The following TNC variants were observed in gnomAD, a reference collection of about 807,000 sequenced individuals.
TNC encodes the protein tenascin.
TNC carries 109 observed loss-of-function variants against 202.4 expected under a neutral mutation model. The ratio of observed to expected loss-of-function variants is 0.54; its 90% CI spans 0.46 to 0.63. The LOEUF (loss-of-function observed/expected upper bound fraction) is 0.63, where lower values mean the gene tolerates loss of function less well. Ranked by LOEUF, TNC falls within the 30% of genes least tolerant of loss-of-function variation. The pLI is 0.00. For synonymous variants in TNC, 1,007 were observed against 1,089.7 expected (o/e 0.92, Z 1.50); for missense variants, 2,756 against 2,833.3 (o/e 0.97, Z 0.62).
chr9:115,115,569 C>T (rs903992594), intron 1 of TNC, among the ~76,000 whole-genome samples: 1 of 152,174 alleles, frequency 6.6e-6, no homozygotes, highest in Admixed American at 6.5e-5. Flanking sequence ...TATATTTTGG[C>T]TATCATTGTC....
At chr9:115,031,762 A>G in intron 22 of TNC, 77 bp from the exon 23 acceptor site, 1 of 1,549,932 alleles carries the variant, frequency 6.5e-7, no homozygotes, top group South Asian at 1.2e-5. Context: ...CATTCTATTT[A>G]TAAGTTCATT....
intron 15 of TNC, 75 bp from the exon 16 acceptor site, chr9:115,048,607 A>G: frequency 7.1e-7 from 1 of 1,405,810 alleles, no homozygotes; most frequent in Non-Finnish European, 9.6e-7. Flanking sequence ...GTTTCCAAGA[A>G]CACCAATAGA....
At chr9:115,035,627 G>A (rs1437587746) in intron 21 of TNC, 4 of 308,222 alleles carry the variant, frequency 1.3e-5, no homozygotes, top group Non-Finnish European at 2.4e-5. Context: ...TTCTAAGTAA[G>A]AGGATGGATG....
chr9:115,061,065 G>A (rs557561301), intron 13 of TNC, among the ~76,000 whole-genome samples: 1 of 152,320 alleles, frequency 6.6e-6, no homozygotes, highest in African/African-American at 2.4e-5. Context: ...TTTGTGGGAT[G>A]CTTCTGAGGG....
At chr9:115,059,700 G>T in intron 14 of TNC, 30 bp downstream of exon 14, 1 of 1,546,234 alleles carries the variant, frequency 6.5e-7, no homozygotes, top group East Asian at 2.3e-5. Context: ...AGAACCTTGG[G>T]GAGAAAGCAT....
At chr9:115,078,278 A>G (rs1214164527) in intron 6 of TNC, 66 bp from the exon 7 acceptor site, 1 of 1,519,298 alleles carries the variant, frequency 6.6e-7, no homozygotes, top group Non-Finnish European at 8.9e-7. Context: ...TAGCAGAGAG[A>G]GGACTTTGTA....
rs772682749 is a variant in TNC, at chr9:115,036,137, G to A, written c.5617C>T (p.Pro1873Ser). ...YTLRIFAEKG[P>S]QKSSTITAKF... ...GCAGTGATGGTTGAGCTCTTCTGGG[G>A]CCCTTTCTCTGCAAAGATTCTCAGT... The change falls in exon 21 of 28, where the codon CCC (proline) becomes TCC (serine). Residue 1873 changes from proline (P) to serine (S), a missense_variant. By Grantham distance (74) the Pro-to-Ser change is moderately conservative (BLOSUM62 -1). Coordinates refer to ENST00000350763, the MANE Select transcript of TNC (RefSeq NM_002160.4). 4 of 1,614,174 alleles carry A rather than the reference G, an allele frequency of 2.5e-6. No individual in the cohort carries two copies. In the South Asian group the frequency reaches 4.4e-5, roughly 18 times the overall value.
chr9:115,085,590 T>G (rs1755642), intron 3 of TNC, among the ~76,000 whole-genome samples: 1 of 152,140 alleles, frequency 6.6e-6, no homozygotes, highest in African/African-American at 2.4e-5. Flanking sequence ...TAGGCAGACT[T>G]GAATACCAGC....
rs149375079 is a variant in TNC, at chr9:115,035,674, G to T, written c.5657-340C>A. ...CAATACTCACCCTGACAGAGAGGAT[G>T]GTTCCTCTGTTTCCCTGCTTGCTAT... On this transcript the variant is annotated intron_variant, in intron 21 of 27. Coordinates refer to ENST00000350763, the MANE Select transcript of TNC (RefSeq NM_002160.4). 45 of 264,142 alleles carry T rather than the reference G, an allele frequency of 1.7e-4. No homozygotes were observed. In the East Asian group the frequency reaches 3.3e-3, roughly 20 times the overall value. 16.4% of individuals were successfully genotyped at this position (264,142 alleles called of 1,614,324 possible).
At chr9:115,076,696 G>T in intron 7 of TNC, 121 bp from the exon 8 acceptor site, 1 of 1,123,654 alleles carries the variant, frequency 8.9e-7, no homozygotes, top group Non-Finnish European at 1.3e-6. Flanking sequence ...AAAATTCTCA[G>T]CACACTCATC....
chr9:115,036,284 T>C lies in TNC; in HGVS notation c.5513-43A>G, dbSNP rs536501378. On this transcript the variant is annotated intron_variant, in intron 20 of 27. Coordinates refer to ENST00000350763, the MANE Select transcript of TNC (RefSeq NM_002160.4). ...ATACCAAGGCAGTCACCTCTCACTG[T>C]CTGAGCCATGAGTGGGCTTGGCAAA... The C allele has an allele frequency of 6.9e-5, 110 of 1,605,758 alleles. 2 individuals are homozygous for C. In the South Asian group the frequency reaches 1.2e-3, roughly 17 times the overall value.
chr9:115,084,541 A>G (rs900031005), intron 3 of TNC, 69 bp from the exon 4 acceptor site: 1 of 1,554,820 alleles, frequency 6.4e-7, no homozygotes, highest in African/African-American at 1.4e-5. Context: ...GGTTTGTTTG[A>G]CCTGTCTTTT....
At chr9:115,095,604 ATATG>A (rs1835688178) in intron 1 of TNC, among the ~76,000 whole-genome samples, 2 of 1,940 alleles carry the variant, frequency 1.0e-3, no homozygotes, top group African/African-American at 2.4e-3. Context: ...ATGTATATAT[ATATG>A]TATATATGTA....
chr9:115,098,747 C>T (rs1835983709), intron 1 of TNC, among the ~76,000 whole-genome samples: 1 of 152,172 alleles, frequency 6.6e-6, no homozygotes, highest in African/African-American at 2.4e-5. Flanking sequence ...AGGCAGCTTA[C>T]ACCAAATTTT....
chr9:115,098,938 A>ATTTTTTTTTTTTTTTTTT (rs35624621), intron 1 of TNC, among the ~76,000 whole-genome samples: 1 of 127,360 alleles, frequency 7.9e-6, no homozygotes, highest in African/African-American at 3.0e-5. Flanking sequence ...TTAAGTGTGT[A>ATTTTTTTTTTTTTTTTTT]TTTTTTTTTT....
At chr9:115,072,509 T>A (rs953081717) in intron 10 of TNC, among the ~76,000 whole-genome samples, 1 of 152,234 alleles carries the variant, frequency 6.6e-6, no homozygotes, top group African/African-American at 2.4e-5. Flanking sequence ...TCCAAATATG[T>A]CCACACTTCT....
chr9:115,035,484 G>T, intron 21 of TNC, 150 bp from the exon 22 acceptor site: 1 of 776,750 alleles, frequency 1.3e-6, no homozygotes, highest in Non-Finnish European at 2.0e-6. Flanking sequence ...TAAATAAGGT[G>T]GTTGAGCCAG....
At chr9:115,064,186 T>C in intron 11 of TNC, 118 bp from the exon 12 acceptor site, 1 of 1,024,556 alleles carries the variant, frequency 9.8e-7, no homozygotes, top group South Asian at 1.9e-5. Flanking sequence ...TTTCTTTAGA[T>C]AAACATGCAT....
rs776990584 is a variant in TNC, at chr9:115,073,803, C to T, written c.3014G>A (p.Trp1005Ter). 1 of 1,613,996 alleles carries T rather than the reference C, an allele frequency of 6.2e-7. No individual in the cohort carries two copies. The highest frequency in any genetic ancestry group is 8.5e-7 in the Non-Finnish European group (1 of 1,180,004). ...GTCAAATTTGGCCAACGGTGTCTTCCAGAGCAGGGTCAGGCTGGTCTCTGC... is the reference window on the plus strand; with the variant it reads ...GTCAAATTTGGCCAACGGTGTCTTCTAGAGCAGGGTCAGGCTGGTCTCTGC... ...ETAETSLTLL[W>*]KTPLAKFDRY... The change falls in exon 10 of 28, where the codon TGG (tryptophan) becomes TAG (stop). Residue 1005 changes from tryptophan to a stop codon, truncating the protein, a stop_gained. Transcript: ENST00000350763. LOFTEE classifies it high-confidence loss of function.
Sources: gnomAD v4.1 joint callset for allele counts (sites outside exome capture counted in the v4.1 genomes callset) on GRCh38, gnomAD v4.1.1 for gene constraint, MANE v1.5 for transcripts, NCBI Gene and HGNC (gene_info 2026-07-23, HGNC 2026-07-21) for gene names.